The following PVT1 variants were observed in gnomAD, a reference collection of about 807,000 sequenced individuals.
PVT1 encodes the protein CXCR4/PVT1 fusion.
At chr8:127,875,769 AGGGTGGGGAGGAAGG>A (rs1815398097) in intron 2 of PVT1, among the ~76,000 whole-genome samples, 1 of 152,166 alleles carries the variant, frequency 6.6e-6, no homozygotes, top group Non-Finnish European at 1.5e-5. Context: ...TTCCAAGGGA[AGGGTGGGGAGGAAGG>A]GAGACCCTGA....
Position 127,942,054 on chromosome 8 carries a change from C to A in PVT1, n.783-47108C>A, listed in dbSNP as rs371017311. Among the ~76,000 whole-genome samples, 7 of 152,282 alleles carry A rather than the reference C, an allele frequency of 4.6e-5. No homozygotes were observed. The East Asian group carries it at 7.7e-4, about 17-fold the overall frequency. On this transcript the variant is annotated intron_variant and non_coding_transcript_variant, in intron 3 of 10. Transcript: ENST00000651587. ...CACCCTGAGTCCCAGGTCCCCAGGC[C>A]CACAGATGTTGGGCCCTCAGAGTGT...
At chr8:127,893,506 T>TAA (rs2129809403) in intron 3 of PVT1, among the ~76,000 whole-genome samples, 1 of 152,268 alleles carries the variant, frequency 6.6e-6, no homozygotes, top group South Asian at 2.1e-4. Context: ...CTCGGCCTCC[T>TAA]AAAGAGCTGC....
intron 3 of PVT1, among the ~76,000 whole-genome samples, chr8:127,965,836 G>A (rs1424288990): frequency 1.3e-5 from 2 of 152,238 alleles, no homozygotes; most frequent in African/African-American, 2.4e-5. Context: ...CTCTGTGCTT[G>A]AAGCTCTGAA....
chr8:127,801,139 C>G (rs767477373), intron 2 of PVT1, among the ~76,000 whole-genome samples: 1 of 152,188 alleles, frequency 6.6e-6, no homozygotes, highest in Non-Finnish European at 1.5e-5. Flanking sequence ...TAGGAGAACC[C>G]GAGCAGCATG....
chr8:127,831,297 TAAAA>T (rs562685587), intron 2 of PVT1, among the ~76,000 whole-genome samples: 1 of 140,910 alleles, frequency 7.1e-6, no homozygotes, highest in Admixed American at 7.2e-5. Context: ...TACAAAAAAT[TAAAA>T]AAAAAAAAGA....
rs149221095 is a variant in PVT1 at position 128,007,376 on chromosome 8, A to G, written n.912+18085A>G. 4.2e-4 allele frequency among the ~76,000 whole-genome samples: 64 copies of G among 152,288 alleles called. No homozygotes were observed. The East Asian group carries it at 0.012, about 28-fold the overall frequency. On this transcript the variant is annotated intron_variant and non_coding_transcript_variant, in intron 4 of 10. Coordinates refer to ENST00000651587, the Ensembl canonical transcript of PVT1. ...GTTGCAAGGCTAAATGGAATTTCTC[A>G]GTTTTTTAAACTCTTACTTTGTACA...
At chr8:128,082,100 G>A (rs982991915) in intron 5 of PVT1, among the ~76,000 whole-genome samples, 3 of 152,150 alleles carry the variant, frequency 2.0e-5, no homozygotes, top group African/African-American at 7.2e-5. Flanking sequence ...AGTGATAATA[G>A]CAGTGACAAC....
At chr8:127,999,609 A>C (rs896939602) in intron 4 of PVT1, among the ~76,000 whole-genome samples, 3 of 152,108 alleles carry the variant, frequency 2.0e-5, no homozygotes, top group South Asian at 2.1e-4. Context: ...TTACAGGTGC[A>C]CACCACCACA....
chr8:128,041,238 TTGTTTG>T (rs1813531982), intron 4 of PVT1, among the ~76,000 whole-genome samples: 1 of 26,456 alleles, frequency 3.8e-5, no homozygotes, highest in Non-Finnish European at 1.0e-4. Context: ...TGTGTGTGTG[TTGTTTG>T]TGTGTGTGTT....
rs546658065 is a variant in PVT1, at chr8:128,026,079, A to C, written n.912+36788A>C. 2.0e-5 allele frequency among the ~76,000 whole-genome samples: 3 copies of C among 152,064 alleles called. No individual in the cohort carries two copies. The East Asian group carries it at 5.8e-4, about 29-fold the overall frequency. On this transcript the variant is annotated intron_variant and non_coding_transcript_variant, in intron 4 of 10. Coordinates refer to ENST00000651587, the Ensembl canonical transcript of PVT1. ...TGATTCTCCTGCCAGAGTAGCTGGG[A>C]TTACAGGTGTGCACTACCACACCCA...
chr8:128,091,628 G>A (rs946504107), intron 5 of PVT1, among the ~76,000 whole-genome samples: 2 of 152,180 alleles, frequency 1.3e-5, no homozygotes, highest in African/African-American at 4.8e-5. Flanking sequence ...AGGTGACAAA[G>A]AAAACAGCTG....
intron 5 of PVT1, among the ~76,000 whole-genome samples, chr8:128,085,385 T>A (rs1484853081): frequency 3.3e-5 from 5 of 152,236 alleles, no homozygotes; most frequent in Non-Finnish European, 7.3e-5. Context: ...ATGAAACAAT[T>A]ATTGTTTTAC....
chr8:127,894,731 A>T (rs963477756), intron 3 of PVT1, among the ~76,000 whole-genome samples: 1 of 152,250 alleles, frequency 6.6e-6, no homozygotes, highest in Non-Finnish European at 1.5e-5. Context: ...TATTAGTGAC[A>T]TGTGGACCTA....
intron 4 of PVT1, among the ~76,000 whole-genome samples, chr8:128,035,462 G>C (rs1813450782): frequency 6.6e-6 from 1 of 152,196 alleles, no homozygotes; most frequent in Non-Finnish European, 1.5e-5. Context: ...TGGAATGCTT[G>C]TGTTCCTACC....
At chr8:127,814,693 A>AT (rs1814639946) in intron 2 of PVT1, among the ~76,000 whole-genome samples, 2 of 152,314 alleles carry the variant, frequency 1.3e-5, no homozygotes, top group Admixed American at 1.3e-4. Context: ...AAAATTTGCC[A>AT]TTGTAACCAT....
chr8:127,864,641 G>A (rs910408058), intron 2 of PVT1, among the ~76,000 whole-genome samples: 3 of 151,916 alleles, frequency 2.0e-5, no homozygotes, highest in Non-Finnish European at 4.4e-5. Flanking sequence ...TCCGCCTCCC[G>A]GGTTCACGCC....
intron 3 of PVT1, among the ~76,000 whole-genome samples, chr8:127,915,101 A>T (rs1343285888): frequency 6.6e-6 from 1 of 151,954 alleles, no homozygotes. Flanking sequence ...TTGGGATTAC[A>T]GGTGTGAGCC....
At chr8:127,847,367 C>T (rs1183631899) in intron 2 of PVT1, among the ~76,000 whole-genome samples, 1 of 152,192 alleles carries the variant, frequency 6.6e-6, no homozygotes, top group Non-Finnish European at 1.5e-5. Flanking sequence ...GGACGGAATG[C>T]AAGTGGATGT....
At chr8:127,808,117 G>A (rs1457679608) in intron 2 of PVT1, among the ~76,000 whole-genome samples, 3 of 152,102 alleles carry the variant, frequency 2.0e-5, no homozygotes, top group Non-Finnish European at 2.9e-5. Flanking sequence ...AAGCAATCTC[G>A]GTTCACTGCA....
Sources: allele counts gnomAD v4.1 joint callset (sites outside exome capture counted in the v4.1 genomes callset), GRCh38; gene constraint gnomAD v4.1.1; transcripts MANE v1.5; gene names NCBI Gene and HGNC (gene_info 2026-07-23, HGNC 2026-07-21).